The following TVP23A variants were observed in gnomAD, a reference collection of about 807,000 sequenced individuals.
TVP23A encodes trans-golgi network vesicle protein 23 homolog A.
TVP23A carries 21 observed loss-of-function variants against 31.7 expected under a neutral mutation model. The ratio of observed to expected loss-of-function variants is 0.66; its 90% CI spans 0.47 to 0.95. The LOEUF (loss-of-function observed/expected upper bound fraction) is 0.95, where lower values mean the gene tolerates loss of function less well. Ranked by LOEUF, TVP23A falls within the 40% of genes least tolerant of loss-of-function variation. The probability of loss-of-function intolerance (pLI) is 0.00; values close to 1 mark genes in which losing one functional copy is unlikely to be tolerated. For missense variants in TVP23A, 279 were observed against 255.6 expected, an observed-to-expected ratio of 1.09 and a Z score of -0.62; for synonymous variants, 104 against 96.0, an observed-to-expected ratio of 1.08 and a Z score of -0.49.
intron 2 of TVP23A, among the ~76,000 whole-genome samples, chr16:10,785,569 A>C (rs2032704987): frequency 6.6e-6 from 1 of 152,228 alleles, no homozygotes; most frequent in South Asian, 2.1e-4. Context: ...GACAGGTCTC[A>C]GTTATTTTAG....
chr16:10,774,157 C>T (rs1296514938), intron 3 of TVP23A, 29 bp from the exon 4 acceptor site: 1 of 1,550,558 alleles, frequency 6.4e-7, no homozygotes, highest in Non-Finnish European at 8.8e-7. Context: ...GGACTCTGAG[C>T]AGGTCACAGG....
intron 2 of TVP23A, among the ~76,000 whole-genome samples, chr16:10,810,016 T>G (rs1172198454): frequency 1.3e-5 from 2 of 152,146 alleles, no homozygotes; most frequent in African/African-American, 4.8e-5. Flanking sequence ...ATAAACAGAA[T>G]GTGGTATGTC....
rs1252477243 is a variant in TVP23A, at chr16:10,785,152, C to T, written c.90-10056G>A. 2.7e-5 allele frequency among the ~76,000 whole-genome samples: 4 copies of T among 149,972 alleles called. No homozygotes were observed. In the East Asian group the frequency reaches 7.9e-4, roughly 29 times the overall value. On this transcript the variant is annotated intron_variant, in intron 2 of 7. Coordinates refer to ENST00000299866, the MANE Select transcript of TVP23A (RefSeq NM_001079512.4). ...GGGCATGGTGGCTCACGCCTATAAT[C>T]CCAGCACTTTGGGAGGCCAAGGCGG...
chr16:10,809,082 T>C lies in TVP23A; in HGVS notation c.89+9021A>G, dbSNP rs552904786. On this transcript the variant is annotated intron_variant, in intron 2 of 7. Transcript: ENST00000299866. ...GCCCAGGATGCGGAAGTCACACTCG[T>C]GATCAGAATAACAGGTGCCACTTCT... 3.3e-5 allele frequency among the ~76,000 whole-genome samples: 5 copies of C among 152,304 alleles called. No individual in the cohort carries two copies. In the South Asian group the frequency reaches 1.0e-3, roughly 32 times the overall value.
chr16:10,787,042 C>A (rs2032801928), intron 2 of TVP23A, among the ~76,000 whole-genome samples: 1 of 152,052 alleles, frequency 6.6e-6, no homozygotes, highest in Non-Finnish European at 1.5e-5. Flanking sequence ...CTGGGCTTAC[C>A]AGTTCCTCTA....
intron 2 of TVP23A, among the ~76,000 whole-genome samples, chr16:10,803,681 A>G (rs971727491): frequency 2.0e-5 from 3 of 152,160 alleles, no homozygotes; most frequent in Non-Finnish European, 4.4e-5. Context: ...CAGGGTATCC[A>G]TGAGGCTCTC....
intron 2 of TVP23A, among the ~76,000 whole-genome samples, chr16:10,815,876 C>G (rs537591852): frequency 7.2e-5 from 11 of 152,264 alleles, no homozygotes; most frequent in African/African-American, 2.6e-4. Flanking sequence ...AGTGTCTTCC[C>G]TTAAAGATAA....
chr16:10,759,647 G>C (rs1346137408), downstream of TVP23A, among the ~76,000 whole-genome samples: 1 of 152,120 alleles, frequency 6.6e-6, no homozygotes, highest in East Asian at 1.9e-4. The surrounding 1 kb of genome is among the most constrained non-coding windows in gnomAD (Gnocchi z 4.7). Flanking sequence ...GTGGTGGTGG[G>C]CACCTGTAAT....
At chr16:10,776,352 G>A (rs2032019972) in intron 2 of TVP23A, among the ~76,000 whole-genome samples, 1 of 151,988 alleles carries the variant, frequency 6.6e-6, no homozygotes, top group African/African-American at 2.4e-5. Flanking sequence ...TGCAGCCTGG[G>A]TGAGAAAGTC....
intron 2 of TVP23A, among the ~76,000 whole-genome samples, chr16:10,813,055 G>A (rs1481825180): frequency 2.0e-5 from 3 of 152,064 alleles, no homozygotes; most frequent in South Asian, 2.1e-4. Context: ...GCCCCCCACC[G>A]CAACACTGCA....
Position 10,799,955 on chromosome 16 carries a change from G to A in TVP23A, c.89+18148C>T, listed in dbSNP as rs148363563. On this transcript the variant is annotated intron_variant, in intron 2 of 7. Coordinates refer to ENST00000299866, the MANE Select transcript of TVP23A (RefSeq NM_001079512.4). The stretch of plus-strand genomic sequence containing the variant: ...AAAGAGGGAGTGGCTCACAGAGATT[G>A]CAGAAGTTATGGAGCCTTTATTCTT... Among the ~76,000 whole-genome samples the A allele has an allele frequency of 2.8e-3, 417 of 151,368 alleles. 3 individuals carry two copies. The highest frequency in any genetic ancestry group is 1.0e-2 in the African/African-American group (410 of 41,196).
chr16:10,757,823 T>A, downstream of TVP23A: 3 of 1,588,024 alleles, frequency 1.9e-6, no homozygotes, highest in Non-Finnish European at 2.6e-6. The surrounding 1 kb of genome is among the most constrained non-coding windows in gnomAD (Gnocchi z 4.1). Context: ...GAGTTGAAAG[T>A]ACAGAAAAGA....
At chr16:10,795,471 G>C (rs570359146) in intron 2 of TVP23A, among the ~76,000 whole-genome samples, 1 of 151,894 alleles carries the variant, frequency 6.6e-6, no homozygotes, top group African/African-American at 2.4e-5. Flanking sequence ...GGCTAGTCTC[G>C]AACTCCTGAC....
chr16:10,770,577 A>C (rs976285076), intron 6 of TVP23A, among the ~76,000 whole-genome samples: 85 of 146,704 alleles, frequency 5.8e-4, no homozygotes, highest in South Asian at 8.6e-4. Flanking sequence ...AAAAAAAAAA[A>C]CAAAACAAAA....
At chr16:10,800,338 T>A (rs1290254617) in intron 2 of TVP23A, 4 of 152,236 alleles carry the variant, frequency 2.6e-5, no homozygotes, top group Non-Finnish European at 4.4e-5. Context: ...AGTTTCCTCA[T>A]CTGCAAAATG....
In TVP23A at chr16:10,767,998, C is replaced by T; in HGVS notation, c.*1104G>A. 6.2e-7 allele frequency: 1 copy of T among 1,614,036 alleles called. No homozygotes were observed. Among genetic ancestry groups the T allele is most frequent in the Non-Finnish European group, 8.5e-7 (1 of 1,180,012 alleles). ...CTTTTTTCATTGACGCCCCAGATTC[C>T]CCAGCCACGTTAGCCTACAGAAGTA... On this transcript the variant is annotated 3_prime_UTR_variant, in exon 8 of 8. Coordinates refer to ENST00000299866, the MANE Select transcript of TVP23A (RefSeq NM_001079512.4). The surrounding 1 kb of genome is among the most constrained non-coding windows in gnomAD (Gnocchi z 4.6).
intron 2 of TVP23A, among the ~76,000 whole-genome samples, chr16:10,784,932 C>A (rs560283897): frequency 6.8e-6 from 1 of 147,724 alleles, no homozygotes; most frequent in South Asian, 2.2e-4. Flanking sequence ...GAAACCCCAT[C>A]TCTAAAATAC....
intron 2 of TVP23A, among the ~76,000 whole-genome samples, chr16:10,794,244 G>A (rs2033264517): frequency 6.6e-6 from 1 of 152,146 alleles, no homozygotes; most frequent in Non-Finnish European, 1.5e-5. Flanking sequence ...ATTTTACAGG[G>A]GACAAATATT....
Position 10,770,281 on chromosome 16 carries a change from G to C in TVP23A, c.633C>G (p.His211Gln), listed in dbSNP as rs1230713859. 1 of 1,550,982 alleles carries C rather than the reference G, an allele frequency of 6.4e-7. No homozygotes were observed. Among genetic ancestry groups the C allele is most frequent in the Non-Finnish European group, 8.7e-7 (1 of 1,146,798 alleles). Residue 211 changes from histidine (H) to glutamine (Q), a missense_variant, in exon 7 of 8, where the codon CAC becomes CAG. By Grantham distance (24) the His-to-Gln change is conservative. Transcript: ENST00000299866. ...QKPGLEGLEI[H>Q]QH is the part of the protein sequence containing the mutation. ...ATGATCCATTTCTCACCTAATGCTG[G>C]TGAATCTCCAGCCCCTCGAGGCCAG... is the stretch of plus-strand genomic sequence containing the variant.
Sources: gnomAD v4.1 joint callset for allele counts (sites outside exome capture counted in the v4.1 genomes callset) on GRCh38, gnomAD v4.1.1 for gene constraint, Gnocchi (gnomAD v3.1) non-coding constraint, MANE v1.5 for transcripts, NCBI Gene and HGNC (gene_info 2026-07-23, HGNC 2026-07-21) for gene names.